Variants in CTIF observed in about 807,000 individuals in gnomAD.
The protein encoded by CTIF is CBP80/20-dependent translation initiation factor.
CTIF carries 21 observed loss-of-function variants against 66.0 expected under a neutral mutation model. The ratio of observed to expected loss-of-function variants is 0.32; its 90% CI spans 0.23 to 0.46. CTIF has a LOEUF of 0.46. Ranked by LOEUF, CTIF falls within the 20% of genes least tolerant of loss-of-function variation. The pLI, the probability that CTIF is intolerant of heterozygous loss-of-function variation, is 1.00. For missense variants in CTIF, 739 were observed against 812.7 expected (o/e 0.91, Z 1.10); for synonymous variants, 345 against 326.4 (o/e 1.06, Z -0.62).
chr18:48,608,751 A>G (rs1010289816), intron 1 of CTIF, among the ~76,000 whole-genome samples: 6 of 151,960 alleles, frequency 3.9e-5, no homozygotes, highest in African/African-American at 1.5e-4. Flanking sequence ...GGCTGTGGAC[A>G]CTCCCACCAG....
chr18:48,550,159 G>A (rs1599126038), intron 1 of CTIF, among the ~76,000 whole-genome samples: 2 of 152,200 alleles, frequency 1.3e-5, no homozygotes. Context: ...CATGGGTTCT[G>A]TGGTCTGTTC....
At chr18:48,716,737 C>T (rs2092285754) in intron 7 of CTIF, among the ~76,000 whole-genome samples, 1 of 152,214 alleles carries the variant, frequency 6.6e-6, no homozygotes. Flanking sequence ...AAAGCCCGGC[C>T]TCTTAACCAT....
intron 9 of CTIF, among the ~76,000 whole-genome samples, chr18:48,816,795 G>T (rs1390199949): frequency 6.6e-6 from 1 of 152,206 alleles, no homozygotes; most frequent in African/African-American, 2.4e-5. Flanking sequence ...GCAGTGTTCT[G>T]GTTACCCCCA....
At chr18:48,722,788 G>A (rs2092352284) in intron 7 of CTIF, among the ~76,000 whole-genome samples, 1 of 152,210 alleles carries the variant, frequency 6.6e-6, no homozygotes, top group Non-Finnish European at 1.5e-5. Flanking sequence ...GCTCACAGGT[G>A]TAAGCACCCG....
intron 2 of CTIF, among the ~76,000 whole-genome samples, chr18:48,635,578 G>T (rs938876265): frequency 2.6e-5 from 4 of 151,920 alleles, no homozygotes; most frequent in African/African-American, 9.7e-5. Flanking sequence ...CTCCTGTCTT[G>T]GCCTCCCAAA....
chr18:48,588,681 C>T (rs1428482316), intron 1 of CTIF, among the ~76,000 whole-genome samples: 3 of 152,214 alleles, frequency 2.0e-5, no homozygotes, highest in Non-Finnish European at 4.4e-5. Context: ...GAGGTCTGGC[C>T]TCCTACAGTC....
Position 48,854,482 on chromosome 18 carries a change from C to T in CTIF, c.1528-3106C>T, listed in dbSNP as rs372559647. On this transcript the variant is annotated intron_variant, in intron 10 of 11. Coordinates refer to ENST00000256413, the MANE Select transcript of CTIF (RefSeq NM_014772.3). ...CCTGGCCCCAAGCTCTCACCTTCCC[C>T]ATCCACTCTAGAGGCAAACGTGTGC... 3.4e-3 allele frequency among the ~76,000 whole-genome samples: 512 copies of T among 152,298 alleles called. 3 individuals are homozygous for T. The highest frequency in any genetic ancestry group is 0.011 in the African/African-American group (463 of 41,546).
intron 7 of CTIF, among the ~76,000 whole-genome samples, chr18:48,748,993 T>G (rs552365928): frequency 1.3e-5 from 2 of 152,338 alleles, no homozygotes; most frequent in East Asian, 3.9e-4. Flanking sequence ...CACTGGCCCC[T>G]TCTCCCCAGC....
At chr18:48,816,390 G>A (rs908703044) in intron 9 of CTIF, among the ~76,000 whole-genome samples, 1 of 152,156 alleles carries the variant, frequency 6.6e-6, no homozygotes, top group African/African-American at 2.4e-5. Context: ...GAGCGCTGAG[G>A]TTTTAATTTC....
At chr18:48,821,233 C>T (rs2068477614) in intron 10 of CTIF, among the ~76,000 whole-genome samples, 1 of 152,240 alleles carries the variant, frequency 6.6e-6, no homozygotes, top group African/African-American at 2.4e-5. Flanking sequence ...CCATCCTCAC[C>T]CCAGCCTCTT....
intron 1 of CTIF, among the ~76,000 whole-genome samples, chr18:48,559,436 G>T (rs1346624931): frequency 1.3e-5 from 2 of 152,146 alleles, no homozygotes; most frequent in African/African-American, 4.8e-5. Context: ...CTGAATAAAT[G>T]ATTAGAATTT....
intron 10 of CTIF, among the ~76,000 whole-genome samples, chr18:48,825,380 G>A (rs1006811810): frequency 2.6e-5 from 4 of 152,220 alleles, no homozygotes; most frequent in Admixed American, 6.5e-5. Flanking sequence ...GGCAGGCACA[G>A]GCCAGGGAGG....
At chr18:48,581,216 TG>T (rs1241368215) in intron 1 of CTIF, among the ~76,000 whole-genome samples, 1 of 151,344 alleles carries the variant, frequency 6.6e-6, no homozygotes, top group African/African-American at 2.5e-5. Flanking sequence ...TTTTTGTTTT[TG>T]TTTTTTTTTG....
intron 7 of CTIF, among the ~76,000 whole-genome samples, chr18:48,720,558 T>G (rs2092325857): frequency 6.6e-6 from 1 of 152,128 alleles, no homozygotes; most frequent in Non-Finnish European, 1.5e-5. Flanking sequence ...AACCCCCACC[T>G]GGCAGGCAGC....
intron 6 of CTIF, among the ~76,000 whole-genome samples, chr18:48,698,440 T>A (rs1369537213): frequency 1.3e-5 from 2 of 152,294 alleles, no homozygotes; most frequent in East Asian, 1.9e-4. Context: ...CTCGAACTCC[T>A]GGGTTCCAGT....
chr18:48,711,600 T>A lies in CTIF; in HGVS notation c.508-19T>A. The stretch of plus-strand genomic sequence containing the variant: ...TTCAGGAGTTACTAATGATCCCCCT[T>A]CCTCCCCCCATGACACAGGGCTACC... On this transcript the variant is annotated intron_variant, in intron 6 of 11. Transcript: ENST00000256413. 6.2e-7 allele frequency: 1 copy of A among 1,608,556 alleles called. No homozygotes were observed. The highest frequency in any genetic ancestry group is 8.5e-7 in the Non-Finnish European group (1 of 1,175,306).
chr18:48,765,622 A>G (rs1447997400), intron 9 of CTIF, among the ~76,000 whole-genome samples: 3 of 152,224 alleles, frequency 2.0e-5, no homozygotes, highest in Non-Finnish European at 4.4e-5. Context: ...GCTGGGGTGC[A>G]GCCCCCATGG....
At position 48,841,420 on chromosome 18, in the gene CTIF, G is replaced by A. The variant is rs143032931; in HGVS notation, c.1528-16168G>A. 3.9e-5 allele frequency among the ~76,000 whole-genome samples: 6 copies of A among 152,286 alleles called. No homozygotes were observed. In the East Asian group the frequency reaches 1.2e-3, roughly 30 times the overall value. On this transcript the variant is annotated intron_variant, in intron 10 of 11. Coordinates refer to ENST00000256413, the MANE Select transcript of CTIF (RefSeq NM_014772.3). ...CCTAGGGCAGCGCCCTCGTGGCCCC[G>A]GCTCAGCCCAGCTCCTCTAGGGAAT...
chr18:48,840,532 T>C (rs1197328511), intron 10 of CTIF, among the ~76,000 whole-genome samples: 1 of 152,206 alleles, frequency 6.6e-6, no homozygotes. Flanking sequence ...AGGTGCCAAT[T>C]AACTTCTCTT....
Sources: gnomAD v4.1 joint callset for allele counts (sites outside exome capture counted in the v4.1 genomes callset) on GRCh38, gnomAD v4.1.1 for gene constraint, MANE v1.5 for transcripts, NCBI Gene and HGNC (gene_info 2026-07-23, HGNC 2026-07-21) for gene names.